NTM: variants seen among roughly 807,000 people sequenced by gnomAD.
The protein encoded by NTM is IgLON family member 2.
Under a neutral mutation model 42.1 loss-of-function variants are expected in NTM, and 13 were observed. The observed-to-expected ratio is 0.31, with a 90% CI of 0.20 to 0.49. The LOEUF (loss-of-function observed/expected upper bound fraction) is 0.49, where lower values mean the gene tolerates loss of function less well. Ranked by LOEUF, NTM falls within the 20% of genes least tolerant of loss-of-function variation. The pLI, the probability that NTM is intolerant of heterozygous loss-of-function variation, is 0.99. For synonymous variants in NTM, 187 were observed against 179.2 expected, an observed-to-expected ratio of 1.04 and a Z score of -0.35; for missense variants, 373 against 452.8, an observed-to-expected ratio of 0.82 and a Z score of 1.60.
intron 1 of NTM, among the ~76,000 whole-genome samples, chr11:131,636,599 T>C (rs1306128274): frequency 6.6e-6 from 1 of 152,182 alleles, no homozygotes; most frequent in Non-Finnish European, 1.5e-5. Flanking sequence ...TTTTGAAACG[T>C]GTGCTTGCAG....
At chr11:131,932,158 A>G (rs573213070) in intron 2 of NTM, among the ~76,000 whole-genome samples, 17 of 152,356 alleles carry the variant, frequency 1.1e-4, no homozygotes, top group African/African-American at 3.6e-4. Context: ...GTTGTCAAAC[A>G]TAATAAAATC....
At chr11:132,251,702 C>T (rs1259979470) in intron 4 of NTM, among the ~76,000 whole-genome samples, 1 of 152,190 alleles carries the variant, frequency 6.6e-6, no homozygotes, top group Non-Finnish European at 1.5e-5. Flanking sequence ...GTGCCTACCC[C>T]ACAGGGTTAT....
At chr11:131,602,121 G>A (rs914078937) in intron 1 of NTM, among the ~76,000 whole-genome samples, 3 of 152,164 alleles carry the variant, frequency 2.0e-5, no homozygotes, top group Non-Finnish European at 4.4e-5. Flanking sequence ...CTGTATGGAT[G>A]GCAGATTGCT....
chr11:131,812,772 G>C (rs937826666), intron 1 of NTM, among the ~76,000 whole-genome samples: 1 of 152,196 alleles, frequency 6.6e-6, no homozygotes, highest in Non-Finnish European at 1.5e-5. Flanking sequence ...GGAGGCCGAA[G>C]TGGAGAGGGA....
chr11:132,171,928 G>A (rs1420199974), intron 3 of NTM, among the ~76,000 whole-genome samples: 1 of 152,176 alleles, frequency 6.6e-6, no homozygotes, highest in African/African-American at 2.4e-5. Context: ...TCCTATGGTG[G>A]TCTCTTCAAT....
chr11:131,985,240 C>G (rs1465766885), intron 2 of NTM, among the ~76,000 whole-genome samples: 1 of 152,150 alleles, frequency 6.6e-6, no homozygotes, highest in Non-Finnish European at 1.5e-5. Flanking sequence ...TAGAAGTTAT[C>G]ACAAGGGACA....
At chr11:132,179,463 G>T (rs1207704976) in intron 3 of NTM, among the ~76,000 whole-genome samples, 1 of 151,998 alleles carries the variant, frequency 6.6e-6, no homozygotes, top group African/African-American at 2.4e-5. Context: ...AGAAAGTTTG[G>T]GTGCATTATG....
At chr11:132,299,306 AC>A (rs1249476539) in intron 4 of NTM, among the ~76,000 whole-genome samples, 1 of 152,148 alleles carries the variant, frequency 6.6e-6, no homozygotes, top group African/African-American at 2.4e-5. Context: ...AAAAAACAAA[AC>A]AAAACAAAAC....
At chr11:131,589,497 T>C (rs1335315613) in intron 1 of NTM, among the ~76,000 whole-genome samples, 1 of 152,206 alleles carries the variant, frequency 6.6e-6, no homozygotes. Flanking sequence ...CAGGAGCTTC[T>C]GCAGAGGCAA....
intron 2 of NTM, among the ~76,000 whole-genome samples, chr11:132,023,480 T>C (rs1291476702): frequency 6.6e-6 from 1 of 152,162 alleles, no homozygotes; most frequent in Non-Finnish European, 1.5e-5. Flanking sequence ...GTGTTGACCC[T>C]GGCTGCAGGG....
At chr11:131,881,793 G>A (rs1243227604) in intron 1 of NTM, among the ~76,000 whole-genome samples, 1 of 152,150 alleles carries the variant, frequency 6.6e-6, no homozygotes, top group Non-Finnish European at 1.5e-5. Flanking sequence ...GAGTAATGGG[G>A]GAACAGGACA....
intron 1 of NTM, among the ~76,000 whole-genome samples, chr11:131,771,825 C>T (rs190284308): frequency 7.6e-4 from 116 of 152,254 alleles, no homozygotes; most frequent in African/African-American, 2.4e-3. Flanking sequence ...AGAAATTTAA[C>T]AGTCTATTGG....
intron 1 of NTM, among the ~76,000 whole-genome samples, chr11:131,867,336 G>T (rs2047322204): frequency 6.6e-6 from 1 of 152,140 alleles, no homozygotes; most frequent in Non-Finnish European, 1.5e-5. Flanking sequence ...TGTGCGTGCG[G>T]ATGGAGAGGT....
rs558437893 is a variant in NTM, at chr11:131,755,051, A to T, written c.83-156513A>T. ...GGTCTGGGGCTAAAGAGCCTTGGGT[A>T]TTGATGGCAGGAAGCATGAGGTAAC... On this transcript the variant is annotated intron_variant, in intron 1 of 8. Transcript: ENST00000683400. Among the ~76,000 whole-genome samples the T allele has an allele frequency of 3.9e-5, 6 of 152,314 alleles. No homozygotes were observed. The East Asian group carries it at 1.2e-3, about 29-fold the overall frequency.
intron 1 of NTM, among the ~76,000 whole-genome samples, chr11:131,453,776 G>A (rs1469185259): frequency 6.6e-6 from 1 of 151,918 alleles, no homozygotes; most frequent in East Asian, 2.0e-4. Context: ...GCTCAGCATT[G>A]GCTGCAGGTA....
At chr11:131,900,075 G>A (rs2052915898) in intron 1 of NTM, among the ~76,000 whole-genome samples, 1 of 152,200 alleles carries the variant, frequency 6.6e-6, no homozygotes. Context: ...TGTTATGCGA[G>A]GCACTGATGC....
At chr11:131,892,127 TCTC>T (rs1338533420) in intron 1 of NTM, among the ~76,000 whole-genome samples, 1 of 152,130 alleles carries the variant, frequency 6.6e-6, no homozygotes, top group Non-Finnish European at 1.5e-5. Context: ...CTCCTCCCCT[TCTC>T]CTCTTCCTCC....
At chr11:131,488,685 C>T (rs1954456628) in intron 1 of NTM, among the ~76,000 whole-genome samples, 1 of 152,102 alleles carries the variant, frequency 6.6e-6, no homozygotes, top group African/African-American at 2.4e-5. Context: ...CAATTCATGC[C>T]CTTCTTATGT....
intron 2 of NTM, among the ~76,000 whole-genome samples, chr11:132,127,357 C>T (rs2066015913): frequency 6.6e-6 from 1 of 152,152 alleles, no homozygotes; most frequent in Non-Finnish European, 1.5e-5. Flanking sequence ...GCAATAAATA[C>T]TAACCCATCT....
Sources: gnomAD v4.1 joint callset for allele counts (sites outside exome capture counted in the v4.1 genomes callset) on GRCh38, gnomAD v4.1.1 for gene constraint, MANE v1.5 for transcripts, NCBI Gene and HGNC (gene_info 2026-07-23, HGNC 2026-07-21) for gene names.